Variants in ASB15 observed in about 807,000 individuals in gnomAD.
ASB15 encodes the protein ankyrin repeat and SOCS box containing 15, also known as ankyrin repeat and SOCS box protein 15.
In ASB15, 54 loss-of-function variants were observed where a neutral mutation model predicts 58.0. That is an observed-to-expected ratio of 0.93 (90% CI 0.75 to 1.17). ASB15 has a LOEUF of 1.17. Ranked by LOEUF, ASB15 falls within the 50% of genes most tolerant of loss-of-function variation. The pLI, the probability that ASB15 is intolerant of heterozygous loss-of-function variation, is 0.00. For synonymous variants in ASB15, 249 were observed against 262.4 expected (o/e 0.95, Z 0.50); for missense variants, 680 against 707.4 (o/e 0.96, Z 0.44).
intron 1 of ASB15, among the ~76,000 whole-genome samples, chr7:123,579,010 T>C (rs970520592): frequency 4.6e-5 from 7 of 152,068 alleles, no homozygotes; most frequent in African/African-American, 1.4e-4. Context: ...AACAGCCAAA[T>C]AGTGATTGTA....
chr7:123,614,433 TTACTC>T (rs1396561194), intron 3 of ASB15, 63 bp from the exon 4 acceptor site: 3 of 920,012 alleles, frequency 3.3e-6, no homozygotes, highest in Non-Finnish European at 5.1e-6. Context: ...TTTTTCATGT[TTACTC>T]TATGTACTGT....
upstream of ASB15, among the ~76,000 whole-genome samples, chr7:123,597,319 C>T (rs989541905): frequency 6.6e-6 from 1 of 152,082 alleles, no homozygotes. Flanking sequence ...TGTTTGTGTT[C>T]AAGGAACCTT....
At chr7:123,602,496 A>C (rs1799933915) in intron 1 of ASB15, among the ~76,000 whole-genome samples, 1 of 152,114 alleles carries the variant, frequency 6.6e-6, no homozygotes, top group South Asian at 2.1e-4. Flanking sequence ...TCTTAAATGC[A>C]CAGTTAACTT....
intron 8 of ASB15, among the ~76,000 whole-genome samples, chr7:123,626,193 G>C (rs191080836): frequency 6.6e-6 from 1 of 152,310 alleles, no homozygotes; most frequent in East Asian, 1.9e-4. Context: ...TTTATTAACT[G>C]TAAGTATTTG....
At position 123,616,438 on chromosome 7, in the gene ASB15, C is replaced by A. The variant is rs1408008070; in HGVS notation, c.235C>A (p.Pro79Thr). 6.2e-7 allele frequency: 1 copy of A among 1,611,100 alleles called. No individual in the cohort carries two copies. ...TGAAGCTGATGAAAAAGGATGGTTTCCATTGCATGAAGCTGTTGTTCAACC... is the reference window on the plus strand; with the variant it reads ...TGAAGCTGATGAAAAAGGATGGTTTACATTGCATGAAGCTGTTGTTCAACC... ...MDEADEKGWF[P>T]LHEAVVQPIQ... The change falls in exon 6 of 12, where the codon CCA (proline) becomes ACA (threonine). Residue 79 changes from proline to threonine, a missense_variant. Transcript: ENST00000451215.
intron 1 of ASB15, among the ~76,000 whole-genome samples, chr7:123,579,880 A>G (rs540853676): frequency 1.3e-5 from 2 of 152,160 alleles, no homozygotes; most frequent in East Asian, 3.9e-4. Context: ...TTCTCTTGCC[A>G]TTGTTTAGGT....
chr7:123,610,503 T>C (rs1036067942), intron 3 of ASB15, among the ~76,000 whole-genome samples: 1 of 152,188 alleles, frequency 6.6e-6, no homozygotes, highest in Non-Finnish European at 1.5e-5. Context: ...CTAAAACTTA[T>C]TGATATCTGA....
At chr7:123,590,254 T>A (rs1799497584) in intron 1 of ASB15, among the ~76,000 whole-genome samples, 1 of 152,230 alleles carries the variant, frequency 6.6e-6, no homozygotes, top group South Asian at 2.1e-4. Context: ...GCAAAAATTT[T>A]ATCCCATTCT....
chr7:123,636,306 A>G (rs1353808068), intron 11 of ASB15, among the ~76,000 whole-genome samples: 1 of 152,182 alleles, frequency 6.6e-6, no homozygotes, highest in East Asian at 1.9e-4. Context: ...ATGTTAGTAT[A>G]TTTTTTGAGA....
Position 123,620,503 on chromosome 7 carries a change from CATACATATATATAT to C in ASB15, c.451+2770_451+2783del, listed in dbSNP as rs1276399911. Among the ~76,000 whole-genome samples, 198 of 53,054 alleles carry C rather than the reference CATACATATATATAT, an allele frequency of 3.7e-3. 5 individuals carry two copies. The highest frequency in any genetic ancestry group is 6.3e-3 in the East Asian group (10 of 1,586). The allele number at this position is 53,054 out of a possible 152,430, so 34.8% of individuals were successfully genotyped here. A position where few individuals can be genotyped will look rare whatever the true frequency, so the allele number is the denominator to read the frequency against. On this transcript the variant is annotated intron_variant, in intron 7 of 11. Coordinates refer to ENST00000451215, the MANE Select transcript of ASB15 (RefSeq NM_001290258.2). ...CACCACTAGTAATGTGACACATATA[CATACATATATATAT>C]ATATATATATATATATATATATATA... is the stretch of plus-strand genomic sequence containing the variant.
chr7:123,571,024 T>C (rs1798895503), intron 1 of ASB15, among the ~76,000 whole-genome samples: 1 of 152,206 alleles, frequency 6.6e-6, no homozygotes, highest in Non-Finnish European at 1.5e-5. Flanking sequence ...TGACAGTGGT[T>C]CAAGAACCCC....
intron 3 of ASB15, among the ~76,000 whole-genome samples, chr7:123,613,483 A>G (rs981636194): frequency 7.9e-5 from 12 of 152,236 alleles, no homozygotes; most frequent in Non-Finnish European, 1.6e-4. Flanking sequence ...AATAGTAAAG[A>G]GTAAAATAGT....
rs1802470309 is a variant in ASB15, at chr7:123,637,171, G to A, written c.*190G>A. 2 of 402,496 alleles carry A rather than the reference G, an allele frequency of 5.0e-6. No individual in the cohort carries two copies. The highest frequency in any genetic ancestry group is 8.7e-6 in the Non-Finnish European group (2 of 229,304). The allele number at this position is 402,496 out of a possible 1,614,324, so 24.9% of individuals were successfully genotyped here. ...AAGACATTTGCATTTTTTAAAGATA[G>A]TATTTTGAACTTAGATTTGTATCTT... On this transcript the variant is annotated 3_prime_UTR_variant, in exon 12 of 12. Coordinates refer to ENST00000451215, the MANE Select transcript of ASB15 (RefSeq NM_001290258.2).
At chr7:123,589,178 C>A (rs1264854820) in intron 1 of ASB15, among the ~76,000 whole-genome samples, 1 of 151,756 alleles carries the variant, frequency 6.6e-6, no homozygotes, top group Non-Finnish European at 1.5e-5. Context: ...TTTCTCCCTT[C>A]AGAACTCTTA....
intron 7 of ASB15, among the ~76,000 whole-genome samples, chr7:123,619,404 C>A (rs185238272): frequency 6.6e-6 from 1 of 152,112 alleles, no homozygotes; most frequent in Non-Finnish European, 1.5e-5. Context: ...CTTCAAAGAG[C>A]CTTGCTCTTG....
upstream of ASB15, among the ~76,000 whole-genome samples, chr7:123,597,771 C>T (rs1305280115): frequency 6.6e-6 from 1 of 152,048 alleles, no homozygotes; most frequent in East Asian, 1.9e-4. Context: ...GCAGAGGTTG[C>T]AGTGAGCTGA....
At position 123,630,047 on chromosome 7, in the gene ASB15, G is replaced by A. The variant is rs1400060260; in HGVS notation, c.1522G>A (p.Val508Ile). ...TGTACTAATAGATTACATGGATTAT[G>A]TTCCTCTGTGTGCTAAACTGAAGTC... Reference protein sequence around the residue: ...TRVLIDYMDYVPLCAKLKSAL... With the variant: ...TRVLIDYMDYIPLCAKLKSAL... Residue 508 changes from valine (V) to isoleucine (I), a missense_variant, in exon 11 of 12, where the codon GTT becomes ATT. Transcript: ENST00000451215. 5 of 1,608,384 alleles carry A rather than the reference G, an allele frequency of 3.1e-6. No homozygotes were observed. The highest frequency in any genetic ancestry group is 1.7e-5 in the Admixed American group (1 of 59,926).
intron 1 of ASB15, among the ~76,000 whole-genome samples, chr7:123,573,509 G>C (rs1001796181): frequency 6.6e-6 from 1 of 151,930 alleles, no homozygotes; most frequent in African/African-American, 2.4e-5. Flanking sequence ...GAAGCAGCTC[G>C]GCTGGTGTGC....
intron 11 of ASB15, among the ~76,000 whole-genome samples, chr7:123,633,329 C>T (rs1471897454): frequency 2.6e-5 from 4 of 151,732 alleles, no homozygotes; most frequent in Admixed American, 2.6e-4. Flanking sequence ...AATTAGAATA[C>T]ATATTTTTAA....
Sources: gnomAD v4.1 joint callset for allele counts (sites outside exome capture counted in the v4.1 genomes callset) on GRCh38, gnomAD v4.1.1 for gene constraint, MANE v1.5 for transcripts, NCBI Gene and HGNC (gene_info 2026-07-23, HGNC 2026-07-21) for gene names.